Variants in RPH3AL observed in about 807,000 individuals in gnomAD.
RPH3AL encodes the protein rabphilin 3A like (without C2 domains).
A neutral mutation model predicts 43.1 loss-of-function variants in RPH3AL; 38 were observed. That is an observed-to-expected ratio of 0.88 (90% CI 0.68 to 1.15). RPH3AL has a LOEUF of 1.15. Among genes scored for constraint, RPH3AL ranks in the 50% most tolerant of loss-of-function variants. The pLI, the probability that RPH3AL is intolerant of heterozygous loss-of-function variation, is 0.00. For synonymous variants in RPH3AL, 189 were observed against 176.3 expected, an observed-to-expected ratio of 1.07 and a Z score of -0.57; for missense variants, 462 against 423.2, an observed-to-expected ratio of 1.09 and a Z score of -0.81.
chr17:290,315 C>A lies in RPH3AL; in HGVS notation c.352-8461G>T, dbSNP rs1784462142. ...GAGGTGGGGTGGTGGCCAGGTGGGC[C>A]TCAGTCTCAGGGTATGGAGCATAAA... On this transcript the variant is annotated intron_variant, in intron 5 of 9. Coordinates refer to ENST00000331302, the MANE Select transcript of RPH3AL (RefSeq NM_006987.4). This position sits in a 1 kb window ranked among gnomAD's most constrained non-coding sequence, Gnocchi z 4.2. Among the ~76,000 whole-genome samples the A allele has an allele frequency of 6.6e-6, 1 of 152,188 alleles. No individual in the cohort carries two copies. The highest frequency in any genetic ancestry group is 2.1e-4 in the South Asian group (1 of 4,832).
In RPH3AL at chr17:229,047, C is replaced by T. The variant is rs564704110; in HGVS notation, c.614-9311G>A. ...AGCTTTGCAAATTTAAAAGGCTATA[C>T]AAGCCTATACATATTTTTAAAAAAT... On this transcript the variant is annotated intron_variant, in intron 7 of 9. Coordinates refer to ENST00000331302, the MANE Select transcript of RPH3AL (RefSeq NM_006987.4). Among the ~76,000 whole-genome samples the T allele has an allele frequency of 1.1e-4, 17 of 152,324 alleles. No homozygotes were observed. In the South Asian group the frequency reaches 3.5e-3, roughly 32 times the overall value.
intron 6 of RPH3AL, among the ~76,000 whole-genome samples, chr17:277,398 T>C (rs898269759): frequency 1.3e-5 from 2 of 152,230 alleles, no homozygotes; most frequent in Non-Finnish European, 2.9e-5. Context: ...CAATGATCCA[T>C]ATTAATTTTA....
chr17:223,419 T>C (rs1396764284), intron 7 of RPH3AL, among the ~76,000 whole-genome samples: 1 of 152,120 alleles, frequency 6.6e-6, no homozygotes, highest in Non-Finnish European at 1.5e-5. Flanking sequence ...CCTTGGGGAA[T>C]GCAAAACACT....
chr17:250,561 CAG>C (rs2041876255), intron 6 of RPH3AL, among the ~76,000 whole-genome samples: 1 of 148,854 alleles, frequency 6.7e-6, no homozygotes, highest in Non-Finnish European at 1.5e-5. Context: ...TGGGACTTCT[CAG>C]AGTCTTTACT....
intron 1 of RPH3AL, among the ~76,000 whole-genome samples, chr17:342,418 C>A (rs1378735563): frequency 6.6e-6 from 1 of 152,224 alleles, no homozygotes; most frequent in Admixed American, 6.5e-5. Flanking sequence ...ATGCTCATAG[C>A]AGCACCATTC....
Position 288,613 on chromosome 17 carries a change from TCG to T in RPH3AL, c.352-6761_352-6760del, listed in dbSNP as rs2042972748. On this transcript the variant is annotated intron_variant, in intron 5 of 9. Coordinates refer to ENST00000331302, the MANE Select transcript of RPH3AL (RefSeq NM_006987.4). ...CACACCCTCTCTCCACCGTCAGACC[TCG>T]CACCCTCTCTCTCCACCGTCAGACC... Among the ~76,000 whole-genome samples, 4 of 13,440 alleles carry T rather than the reference TCG, an allele frequency of 3.0e-4. 2 individuals are homozygous for T. The highest frequency in any genetic ancestry group is 8.4e-4 in the Non-Finnish European group (4 of 4,786). 8.8% of individuals were successfully genotyped at this position (13,440 alleles called of 152,430 possible). A position where few individuals can be genotyped will look rare whatever the true frequency, so the allele number is the denominator to read the frequency against.
chr17:262,349 G>A (rs1332658101), intron 6 of RPH3AL, among the ~76,000 whole-genome samples: 4 of 152,036 alleles, frequency 2.6e-5, no homozygotes, highest in African/African-American at 9.7e-5. Context: ...CTGAGTAGCT[G>A]GGATTACAGG....
At chr17:312,273 C>G (rs1170381535) in intron 5 of RPH3AL, among the ~76,000 whole-genome samples, 1 of 152,076 alleles carries the variant, frequency 6.6e-6, no homozygotes, top group Non-Finnish European at 1.5e-5. Context: ...TGCACTCCAG[C>G]CTGGGTGACA....
At chr17:252,058 C>A (rs1157443410) in intron 6 of RPH3AL, among the ~76,000 whole-genome samples, 1 of 151,840 alleles carries the variant, frequency 6.6e-6, no homozygotes, top group Non-Finnish European at 1.5e-5. Context: ...GCAGCCTTCA[C>A]CTGCCCAGGC....
intron 4 of RPH3AL, 125 bp from the exon 5 acceptor site, chr17:319,674 C>A: frequency 8.5e-7 from 1 of 1,169,848 alleles, no homozygotes; most frequent in Admixed American, 2.4e-5. Context: ...CCTTGCCCCG[C>A]CCTTCCCCTG....
At position 274,337 on chromosome 17, in the gene RPH3AL, T is replaced by G. The variant is rs2042604857; in HGVS notation, c.438+7431A>C. ...ACCACCTGGGCCTCGCCTGCCCACCTGGGCCTCGCCTGCCTGGCTGGAGTA... is the reference window on the plus strand; with the variant it reads ...ACCACCTGGGCCTCGCCTGCCCACCGGGGCCTCGCCTGCCTGGCTGGAGTA... On this transcript the variant is annotated intron_variant, in intron 6 of 9. Coordinates refer to ENST00000331302, the MANE Select transcript of RPH3AL (RefSeq NM_006987.4). The surrounding 1 kb of genome is among the most constrained non-coding windows in gnomAD (Gnocchi z 4.7). Among the ~76,000 whole-genome samples, 1 of 152,220 alleles carries G rather than the reference T, an allele frequency of 6.6e-6. No homozygotes were observed. The highest frequency in any genetic ancestry group is 1.5e-5 in the Non-Finnish European group (1 of 68,026).
chr17:262,005 A>G (rs1381672712), intron 6 of RPH3AL: 2 of 152,336 alleles, frequency 1.3e-5, no homozygotes, highest in African/African-American at 2.4e-5. Context: ...AATAAGAAAC[A>G]CAGTCAATAA....
chr17:257,081 A>G (rs868976610), intron 6 of RPH3AL, among the ~76,000 whole-genome samples: 896 of 18,564 alleles, frequency 0.048, no homozygotes, highest in African/African-American at 0.093. Context: ...GTCCTTTTCC[A>G]TCCCTAGGAA....
chr17:293,900 T>A (rs1241089214), intron 5 of RPH3AL, among the ~76,000 whole-genome samples: 1 of 151,986 alleles, frequency 6.6e-6, no homozygotes. Context: ...GCGGTGGTAC[T>A]CACCCGGAAT....
rs532883914 is a variant in RPH3AL at position 240,884 on chromosome 17, C to T, written c.613+6227G>A. ...ACCAGCCTGGCCAACACGGTGAACC[C>T]TGTCTCTACTAAACATACAAAAAAT... On this transcript the variant is annotated intron_variant, in intron 7 of 9. Coordinates refer to ENST00000331302, the MANE Select transcript of RPH3AL (RefSeq NM_006987.4). Among the ~76,000 whole-genome samples, 11 of 151,614 alleles carry T rather than the reference C, an allele frequency of 7.3e-5. No homozygotes were observed. The East Asian group carries it at 2.1e-3, about 30-fold the overall frequency.
chr17:317,393 G>A (rs66657306), intron 5 of RPH3AL, among the ~76,000 whole-genome samples: 7 of 135,682 alleles, frequency 5.2e-5, no homozygotes, highest in Admixed American at 1.5e-4. Flanking sequence ...GTGGCCCCAC[G>A]TCCATTGACT....
intron 6 of RPH3AL, among the ~76,000 whole-genome samples, chr17:272,853 G>A (rs1412858022): frequency 6.6e-6 from 1 of 151,726 alleles, no homozygotes; most frequent in African/African-American, 2.4e-5. Context: ...TCAACAAGCA[G>A]GAGAGAGGGG....
At chr17:276,072 A>T (rs1461686643) in intron 6 of RPH3AL, among the ~76,000 whole-genome samples, 1 of 152,216 alleles carries the variant, frequency 6.6e-6, no homozygotes, top group Non-Finnish European at 1.5e-5. Context: ...CCTCGTCTCC[A>T]GGACAGTTGG....
intron 8 of RPH3AL, among the ~76,000 whole-genome samples, chr17:218,067 C>T (rs1028927672): frequency 7.6e-6 from 1 of 130,892 alleles, no homozygotes; most frequent in Admixed American, 7.8e-5. Flanking sequence ...CAAGGCATTT[C>T]GTTCCCATCT....
Sources: allele counts gnomAD v4.1 joint callset (sites outside exome capture counted in the v4.1 genomes callset), GRCh38; gene constraint gnomAD v4.1.1; non-coding constraint Gnocchi (gnomAD v3.1); transcripts MANE v1.5; gene names NCBI Gene and HGNC (gene_info 2026-07-23, HGNC 2026-07-21).